The following DAOA variants were observed in gnomAD, a reference collection of about 807,000 sequenced individuals.
DAOA encodes the protein D-amino acid oxidase activator, also known as D-amino acid oxidase regulator.
In DAOA, 15 loss-of-function variants were observed where a neutral mutation model predicts 16.4. The ratio of observed to expected loss-of-function variants is 0.91; its 90% CI spans 0.61 to 1.41. The LOEUF (loss-of-function observed/expected upper bound fraction) is 1.41. Among genes scored for constraint, DAOA ranks in the 40% most tolerant of loss-of-function variants. The pLI is 0.00. For synonymous variants in DAOA, 75 were observed against 59.1 expected (o/e 1.27, Z -1.23); for missense variants, 230 against 176.8 (o/e 1.30, Z -1.71).
intron 4 of DAOA, among the ~76,000 whole-genome samples, chr13:105,476,102 A>G (rs1363627925): frequency 6.6e-6 from 1 of 152,128 alleles, no homozygotes; most frequent in Non-Finnish European, 1.5e-5. Flanking sequence ...TTTTATGTAA[A>G]TAATTCTCCA....
intron 4 of DAOA, among the ~76,000 whole-genome samples, chr13:105,477,621 A>C (rs1157828073): frequency 6.6e-6 from 1 of 152,170 alleles, no homozygotes; most frequent in Non-Finnish European, 1.5e-5. Flanking sequence ...CTTCTTGGGA[A>C]GCTGAGGAGG....
chr13:105,490,280 C>T, intron 5 of DAOA, 88 bp downstream of exon 5: 3 of 625,888 alleles, frequency 4.8e-6, no homozygotes, highest in Non-Finnish European at 6.2e-6. Context: ...ATTTGTTACA[C>T]AATGATATAA....
At chr13:105,483,499 C>G (rs971994180) in intron 4 of DAOA, among the ~76,000 whole-genome samples, 4 of 152,082 alleles carry the variant, frequency 2.6e-5, no homozygotes, top group African/African-American at 9.7e-5. Flanking sequence ...CTAGTTTCTC[C>G]ATATTCTCAC....
At chr13:105,485,885 G>A (rs1457189041) in intron 4 of DAOA, among the ~76,000 whole-genome samples, 1 of 152,190 alleles carries the variant, frequency 6.6e-6, no homozygotes, top group Non-Finnish European at 1.5e-5. Flanking sequence ...AGCATGTCCT[G>A]CTGAAACCTC....
At chr13:105,469,233 T>C (rs1395041516) in intron 3 of DAOA, among the ~76,000 whole-genome samples, 1 of 152,188 alleles carries the variant, frequency 6.6e-6, no homozygotes, top group Non-Finnish European at 1.5e-5. Context: ...TATGTTCTCT[T>C]ATCACCATCC....
chr13:105,476,882 T>C (rs922511189), intron 4 of DAOA, among the ~76,000 whole-genome samples: 1 of 152,080 alleles, frequency 6.6e-6, no homozygotes, highest in Non-Finnish European at 1.5e-5. Flanking sequence ...AGCCCCTGTA[T>C]TCCCAACCCA....
intron 3 of DAOA, among the ~76,000 whole-genome samples, chr13:105,472,052 T>C (rs1430287624): frequency 6.6e-6 from 1 of 152,272 alleles, no homozygotes; most frequent in African/African-American, 2.4e-5. Flanking sequence ...AAAAACTACC[T>C]TGTGGTCAAC....
At chr13:105,483,531 T>C (rs1465499944) in intron 4 of DAOA, among the ~76,000 whole-genome samples, 1 of 152,198 alleles carries the variant, frequency 6.6e-6, no homozygotes, top group Non-Finnish European at 1.5e-5. Flanking sequence ...ATGGTCAGCA[T>C]TTTTAGTTTT....
intron 4 of DAOA, among the ~76,000 whole-genome samples, chr13:105,476,286 C>A (rs1221101396): frequency 6.6e-6 from 1 of 151,976 alleles, no homozygotes; most frequent in Non-Finnish European, 1.5e-5. Flanking sequence ...ACTTTTTTTC[C>A]TTCTCCCTCT....
At chr13:105,479,960 A>C (rs2139189917) in intron 4 of DAOA, among the ~76,000 whole-genome samples, 1 of 152,254 alleles carries the variant, frequency 6.6e-6, no homozygotes, top group East Asian at 1.9e-4. Flanking sequence ...AAGCAAGATA[A>C]ATCAATTGGA....
chr13:105,474,516 A>C (rs1877210235), intron 4 of DAOA, among the ~76,000 whole-genome samples: 1 of 152,138 alleles, frequency 6.6e-6, no homozygotes, highest in Non-Finnish European at 1.5e-5. Flanking sequence ...ATCAACTTGC[A>C]TTTTAAAATA....
chr13:105,479,376 T>C (rs986562194), intron 4 of DAOA, among the ~76,000 whole-genome samples: 1 of 152,196 alleles, frequency 6.6e-6, no homozygotes, highest in African/African-American at 2.4e-5. Context: ...ATTAGCTTTT[T>C]AGGGCTGACA....
At chr13:105,476,569 T>A (rs991622858) in intron 4 of DAOA, among the ~76,000 whole-genome samples, 4 of 150,586 alleles carry the variant, frequency 2.7e-5, no homozygotes, top group Admixed American at 2.7e-4. Context: ...TAATTCTCCC[T>A]CTCGGTGATT....
At chr13:105,488,755 G>T (rs1288279619) in intron 4 of DAOA, among the ~76,000 whole-genome samples, 1 of 152,134 alleles carries the variant, frequency 6.6e-6, no homozygotes, top group Non-Finnish European at 1.5e-5. Flanking sequence ...TTAGGATCAG[G>T]CCAAGTCATT....
chr13:105,472,606 G>A lies in DAOA; in HGVS notation c.202G>A (p.Gly68Ser), dbSNP rs200951630. 31 of 1,614,002 alleles carry A rather than the reference G, an allele frequency of 1.9e-5. No homozygotes were observed. The highest frequency in any genetic ancestry group is 1.2e-4 in the Admixed American group (7 of 60,010). ...KEGWKRRHED[G>S]YLEMAQRHLQ... ...AGGATGGAAGAGAAGGCATGAGGAC[G>A]GCTATTTGGAAATGGCACAGAGGCA... Residue 68 changes from glycine (G) to serine (S), a missense_variant, in exon 4 of 6, where the codon GGC (glycine) becomes AGC (serine). Gly to Ser is a moderately conservative substitution (Grantham distance 56, BLOSUM62 0). Transcript: ENST00000375936.
intron 4 of DAOA, among the ~76,000 whole-genome samples, chr13:105,489,593 A>T (rs1878362934): frequency 6.6e-6 from 1 of 152,250 alleles, no homozygotes; most frequent in African/African-American, 2.4e-5. Flanking sequence ...GACTTGTTTA[A>T]TGTAAGCCTT....
At chr13:105,470,090 C>A (rs759362761) in intron 3 of DAOA, among the ~76,000 whole-genome samples, 2 of 147,948 alleles carry the variant, frequency 1.4e-5, no homozygotes, top group Non-Finnish European at 3.0e-5. Context: ...TGTTTCTTTA[C>A]TGGATTAATC....
chr13:105,485,067 A>G (rs928134146), intron 4 of DAOA, among the ~76,000 whole-genome samples: 1 of 152,120 alleles, frequency 6.6e-6, no homozygotes. Flanking sequence ...GAAATAGTCC[A>G]CATTGTTCTT....
intron 2 of DAOA, chr13:105,466,536 T>A: frequency 1.3e-6 from 1 of 785,226 alleles, no homozygotes; most frequent in East Asian, 2.9e-5. Context: ...GGATCACTCA[T>A]GTTAATGAGG....
Sources: allele counts gnomAD v4.1 joint callset (sites outside exome capture counted in the v4.1 genomes callset), GRCh38; gene constraint gnomAD v4.1.1; transcripts MANE v1.5; gene names NCBI Gene and HGNC (gene_info 2026-07-23, HGNC 2026-07-21).